The following RBFOX1 variants were observed in gnomAD, a reference collection of about 807,000 sequenced individuals.
RBFOX1 encodes RNA binding fox-1 homolog 1, also known as RNA binding protein fox-1 homolog 1.
RBFOX1 carries 8 observed loss-of-function variants against 57.7 expected under a neutral mutation model. That is an observed-to-expected ratio of 0.14 (90% CI 0.08 to 0.25). RBFOX1 has a LOEUF of 0.25. RBFOX1 is among the 10% of genes least tolerant of loss of function. RBFOX1 has a pLI of 1.00. For missense variants in RBFOX1, 611 were observed against 548.5 expected (o/e 1.11, Z -1.14); for synonymous variants, 326 against 222.4 (o/e 1.47, Z -4.15).
chr16:5,475,109 C>G (rs2069275359), intron 2 of RBFOX1, among the ~76,000 whole-genome samples: 1 of 152,160 alleles, frequency 6.6e-6, no homozygotes, highest in South Asian at 2.1e-4. Context: ...TTTATTCAGC[C>G]AGTCTGAGAA....
intron 1 of RBFOX1, among the ~76,000 whole-genome samples, chr16:5,301,789 A>C (rs1398443330): frequency 1.3e-5 from 2 of 152,190 alleles, no homozygotes; most frequent in African/African-American, 4.8e-5. Context: ...TGTAGAAACT[A>C]TGAGATAACA....
chr16:5,493,725 C>A lies in RBFOX1; in HGVS notation c.258+26471C>A, dbSNP rs137954451. ...TGACACAGCAATATGCTTGCTTGCTCTGCTCATTAAAGTTTAATGTTTGAA... is the reference window on the plus strand; with the variant it reads ...TGACACAGCAATATGCTTGCTTGCTATGCTCATTAAAGTTTAATGTTTGAA... On this transcript the variant is annotated intron_variant, in intron 2 of 2. Coordinates refer to the RBFOX1 transcript ENST00000585867. 3.0e-3 allele frequency among the ~76,000 whole-genome samples: 460 copies of A among 152,358 alleles called. 3 individuals are homozygous for A. The highest frequency in any genetic ancestry group is 0.011 in the African/African-American group (440 of 41,580).
intron 1 of RBFOX1, among the ~76,000 whole-genome samples, chr16:6,273,981 A>G (rs2075516259): frequency 6.6e-6 from 1 of 152,210 alleles, no homozygotes; most frequent in Non-Finnish European, 1.5e-5. Flanking sequence ...AATGAAAATT[A>G]AAACTGCAGT....
chr16:7,058,879 A>T (rs148883937), intron 4 of RBFOX1, among the ~76,000 whole-genome samples: 1 of 152,308 alleles, frequency 6.6e-6, no homozygotes, highest in African/African-American at 2.4e-5. Flanking sequence ...TAACTTCATA[A>T]TGTTACATAT....
intron 2 of RBFOX1, among the ~76,000 whole-genome samples, chr16:5,557,012 C>A (rs1042825621): frequency 1.3e-5 from 2 of 152,132 alleles, no homozygotes; most frequent in Admixed American, 6.5e-5. Context: ...GTAATCCCAG[C>A]ACTTTGGGAG....
chr16:5,951,501 A>G (rs939310880), intron 4 of RBFOX1, among the ~76,000 whole-genome samples: 10 of 152,272 alleles, frequency 6.6e-5, no homozygotes, highest in Admixed American at 1.3e-4. Context: ...GTGTGTATAT[A>G]TATAACTATG....
chr16:7,618,605 C>A (rs995976422), intron 10 of RBFOX1, among the ~76,000 whole-genome samples: 1 of 152,040 alleles, frequency 6.6e-6, no homozygotes, highest in Non-Finnish European at 1.5e-5. Context: ...TTGCTTCCCA[C>A]TTTCATTGTT....
intron 2 of RBFOX1, among the ~76,000 whole-genome samples, chr16:6,364,257 T>A (rs2152876349): frequency 6.6e-6 from 1 of 152,366 alleles, no homozygotes; most frequent in South Asian, 2.1e-4. Context: ...TAAAGCCCTT[T>A]ACCTGATTAA....
intron 3 of RBFOX1, among the ~76,000 whole-genome samples, chr16:6,987,568 G>C (rs1050463296): frequency 6.6e-6 from 1 of 151,466 alleles, no homozygotes; most frequent in African/African-American, 2.4e-5. Flanking sequence ...CATAAGCATA[G>C]GTGGGCACAG....
chr16:6,684,005 A>G (rs1415152754), intron 3 of RBFOX1, among the ~76,000 whole-genome samples: 1 of 152,064 alleles, frequency 6.6e-6, no homozygotes, highest in Non-Finnish European at 1.5e-5. Context: ...CAAGGTGGGG[A>G]AGATAGTGAA....
At chr16:7,456,372 A>G (rs1235098158) in intron 4 of RBFOX1, among the ~76,000 whole-genome samples, 1 of 152,210 alleles carries the variant, frequency 6.6e-6, no homozygotes, top group Non-Finnish European at 1.5e-5. Context: ...ACCCAAGTAC[A>G]TCTGCTATGT....
At position 6,944,396 on chromosome 16, in the gene RBFOX1, A is replaced by AG. The variant is rs1394121612; in HGVS notation, c.-15-107660dup. On this transcript the variant is annotated intron_variant, in intron 3 of 15. Transcript: ENST00000550418. Reference sequence around the variant, plus strand: ...GCAACAGAGCAAGACTCCATCTCAGAGAAAAAAAAAAAAAAAAAAGAAAGA... The same window carrying AG: ...GCAACAGAGCAAGACTCCATCTCAGAGGAAAAAAAAAAAAAAAAAAGAAAGA... Among the ~76,000 whole-genome samples, 8 of 111,448 alleles carry AG rather than the reference A, an allele frequency of 7.2e-5. 1 individual carries two copies. Among genetic ancestry groups the AG allele is most frequent in the African/African-American group, 2.5e-4 (8 of 31,594 alleles). 73.1% of individuals were successfully genotyped at this position (111,448 alleles called of 152,430 possible).
chr16:5,651,040 CTTTTTTTTTTTTTTT>C (rs869240597), intron 3 of RBFOX1, among the ~76,000 whole-genome samples: 15 of 56,854 alleles, frequency 2.6e-4, no homozygotes, highest in East Asian at 1.2e-3. Flanking sequence ...CTACCTCCTT[CTTTTTTTTTTTTTTT>C]TTTTTTTTTT....
At chr16:6,754,423 C>A (rs1049471954) in intron 3 of RBFOX1, among the ~76,000 whole-genome samples, 5 of 152,170 alleles carry the variant, frequency 3.3e-5, no homozygotes, top group Non-Finnish European at 2.9e-5. Context: ...TCAAAACCTA[C>A]GGTCGAAGAT....
chr16:6,844,298 C>A (rs963147808), intron 3 of RBFOX1, among the ~76,000 whole-genome samples: 1 of 152,102 alleles, frequency 6.6e-6, no homozygotes, highest in African/African-American at 2.4e-5. Flanking sequence ...GTCATCCCAT[C>A]ACCTAGGTAT....
chr16:5,801,806 G>A (rs866180743), intron 3 of RBFOX1, among the ~76,000 whole-genome samples: 1 of 152,190 alleles, frequency 6.6e-6, no homozygotes. Context: ...AGTGAACCGG[G>A]TGCCAAAATT....
chr16:6,445,960 T>C (rs978514428), intron 2 of RBFOX1, among the ~76,000 whole-genome samples: 2 of 106,342 alleles, frequency 1.9e-5, no homozygotes, highest in Admixed American at 1.0e-4. Flanking sequence ...CTTTCACTTT[T>C]TTAAATTTTT....
At chr16:7,340,055 T>G (rs1028388325) in intron 4 of RBFOX1, among the ~76,000 whole-genome samples, 6 of 152,200 alleles carry the variant, frequency 3.9e-5, no homozygotes, top group African/African-American at 1.4e-4. Context: ...TTGGTAGATC[T>G]TATAGTCCAT....
chr16:6,364,808 G>T (rs966875027), intron 2 of RBFOX1, among the ~76,000 whole-genome samples: 2 of 152,162 alleles, frequency 1.3e-5, no homozygotes, highest in African/African-American at 2.4e-5. Flanking sequence ...GTTTCCCTCT[G>T]CCTGGTTGGC....
Sources: gnomAD v4.1 joint callset for allele counts (sites outside exome capture counted in the v4.1 genomes callset) on GRCh38, gnomAD v4.1.1 for gene constraint, MANE v1.5 for transcripts, NCBI Gene and HGNC (gene_info 2026-07-23, HGNC 2026-07-21) for gene names.